Variants in PCDHGA11 observed in about 807,000 individuals in gnomAD.
The protein encoded by PCDHGA11 is protocadherin gamma subfamily A, 11.
A neutral mutation model predicts 60.4 loss-of-function variants in PCDHGA11; 39 were observed. That is an observed-to-expected ratio of 0.65 (90% CI 0.50 to 0.84). PCDHGA11 has a LOEUF of 0.84. Ranked by LOEUF, PCDHGA11 falls within the 40% of genes least tolerant of loss-of-function variation. The probability of loss-of-function intolerance (pLI) is 0.00; values close to 1 mark genes in which losing one functional copy is unlikely to be tolerated. For missense variants in PCDHGA11, 1,165 were observed against 1,197.7 expected, an observed-to-expected ratio of 0.97 and a Z score of 0.40; for synonymous variants, 533 against 510.3, an observed-to-expected ratio of 1.04 and a Z score of -0.60.
chr5:141,497,614 A>G (rs1377740795), intron 2 of PCDHGA11, among the ~76,000 whole-genome samples: 1 of 146,530 alleles, frequency 6.8e-6, no homozygotes, highest in Admixed American at 7.0e-5. Context: ...ATCTTGGCTC[A>G]CTGCAACCTC....
chr5:141,445,034 A>T (rs963629240), intron 1 of PCDHGA11, among the ~76,000 whole-genome samples: 4 of 152,156 alleles, frequency 2.6e-5, no homozygotes, highest in Admixed American at 2.0e-4. Context: ...GCTATGTTGT[A>T]TAGTTTTCAG....
Position 141,421,515 on chromosome 5 carries a change from CTG to C in PCDHGA11, c.291_292del (p.Cys97Ter). ...TAGRIDREEL[C>X]ETVSSCFLNM... is the part of the protein sequence containing the mutation. Reference sequence around the variant, plus strand: ...CAGGCAGGATAGACCGGGAGGAGCTCTGTGAGACGGTGTCCTCCTGTTTTTTA... The same window carrying C: ...CAGGCAGGATAGACCGGGAGGAGCTCTGAGACGGTGTCCTCCTGTTTTTTA... On this transcript the variant is annotated frameshift_variant, in exon 1 of 4. Coordinates refer to ENST00000398587, the MANE Select transcript of PCDHGA11 (RefSeq NM_018914.3). LOFTEE classifies it high-confidence loss of function. The C allele has an allele frequency of 6.2e-7, 1 of 1,614,080 alleles. No individual in the cohort carries two copies. The highest frequency in any genetic ancestry group is 8.5e-7 in the Non-Finnish European group (1 of 1,179,910).
intron 1 of PCDHGA11, among the ~76,000 whole-genome samples, chr5:141,462,068 C>T (rs1006462521): frequency 6.6e-6 from 1 of 152,196 alleles, no homozygotes; most frequent in African/African-American, 2.4e-5. Context: ...GGTGATCTGC[C>T]CGCCTTGGCC....
In PCDHGA11 at chr5:141,489,335, G is replaced by A. The variant is rs138015049; in HGVS notation, c.2434-5472G>A. The A allele has an allele frequency of 8.2e-5, 132 of 1,607,244 alleles. No individual in the cohort carries two copies. The African/African-American group carries it at 1.5e-3, about 18-fold the overall frequency. On this transcript the variant is annotated intron_variant, in intron 1 of 3. Transcript: ENST00000398587. This position sits in a 1 kb window ranked among gnomAD's most constrained non-coding sequence, Gnocchi z 4.5. ...TGGGGCTGGGTGTCTGGGCAGCTTC[G>A]TTACTCAGTGGTGGAGGAGTCTGAG...
chr5:141,485,714 G>A lies in PCDHGA11; in HGVS notation c.2434-9093G>A. 6.2e-7 allele frequency: 1 copy of A among 1,614,182 alleles called. No individual in the cohort carries two copies. The highest frequency in any genetic ancestry group is 8.5e-7 in the Non-Finnish European group (1 of 1,180,042). On this transcript the variant is annotated intron_variant, in intron 1 of 3. Transcript: ENST00000398587. This position sits in a 1 kb window ranked among gnomAD's most constrained non-coding sequence, Gnocchi z 5.7. ...GAGCTCCAATGAACACTTTGCACTG[G>A]ATGTGAAGAAGCGCAGCGACGGCAG...
At chr5:141,463,034 G>A (rs2099051345) in intron 1 of PCDHGA11, among the ~76,000 whole-genome samples, 2 of 152,112 alleles carry the variant, frequency 1.3e-5, no homozygotes, top group African/African-American at 4.8e-5. Flanking sequence ...ATTAATCTGA[G>A]TGTTCAGCAG....
intron 1 of PCDHGA11, among the ~76,000 whole-genome samples, chr5:141,426,098 A>T (rs144349682): frequency 6.6e-6 from 1 of 152,356 alleles, no homozygotes; most frequent in Non-Finnish European, 1.5e-5. Flanking sequence ...TATTCTGTTC[A>T]GTCACAGAAG....
chr5:141,471,044 CT>C (rs1432278092), intron 1 of PCDHGA11, among the ~76,000 whole-genome samples: 3 of 136,442 alleles, frequency 2.2e-5, no homozygotes. Flanking sequence ...AGCCCAAGCC[CT>C]CTTTTTTTTT....
rs562479827 is a variant in PCDHGA11, at chr5:141,430,802, C to A, written c.2433+7142C>A. The A allele has an allele frequency of 1.2e-5, 18 of 1,524,776 alleles. No homozygotes were observed. The East Asian group carries it at 3.9e-4, about 33-fold the overall frequency. The allele number at this position is 1,524,776 out of a possible 1,614,324, so 94.5% of individuals were successfully genotyped here. On this transcript the variant is annotated intron_variant, in intron 1 of 3. Coordinates refer to ENST00000398587, the MANE Select transcript of PCDHGA11 (RefSeq NM_018914.3). ...GCACCGGGACTACAAAGGGCTTGTC[C>A]TGCTGGGAATCCTCCTGGGGACTCT... is the stretch of plus-strand genomic sequence containing the variant.
Position 141,487,660 on chromosome 5 carries a change from T to C in PCDHGA11, c.2434-7147T>C. Reference sequence around the variant, plus strand: ...AACAAATGCTTGAGGGTTATTCTGATCCAGGCATATGGCTAGGCCATGTCC... The same window carrying C: ...AACAAATGCTTGAGGGTTATTCTGACCCAGGCATATGGCTAGGCCATGTCC... On this transcript the variant is annotated intron_variant, in intron 1 of 3. Coordinates refer to ENST00000398587, the MANE Select transcript of PCDHGA11 (RefSeq NM_018914.3). The surrounding 1 kb of genome is among the most constrained non-coding windows in gnomAD (Gnocchi z 5.0). The C allele has an allele frequency of 6.2e-7, 1 of 1,613,442 alleles. No homozygotes were observed. The highest frequency in any genetic ancestry group is 8.5e-7 in the Non-Finnish European group (1 of 1,179,710).
rs138463062 is a variant in PCDHGA11 at position 141,485,217 on chromosome 5, C to G, written c.2434-9590C>G. 6.8e-6 allele frequency: 11 copies of G among 1,613,996 alleles called. No individual in the cohort carries two copies. Among genetic ancestry groups the G allele is most frequent in the Non-Finnish European group, 9.3e-6 (11 of 1,179,978 alleles). ...AGCTGGACAGAAATCTGGCGGTGGGCTACCCTTTTGTTCCTCTTTTACCAC... is the reference window on the plus strand; with the variant it reads ...AGCTGGACAGAAATCTGGCGGTGGGGTACCCTTTTGTTCCTCTTTTACCAC... On this transcript the variant is annotated intron_variant, in intron 1 of 3. Coordinates refer to ENST00000398587, the MANE Select transcript of PCDHGA11 (RefSeq NM_018914.3). This position sits in a 1 kb window ranked among gnomAD's most constrained non-coding sequence, Gnocchi z 5.7.
intron 2 of PCDHGA11, among the ~76,000 whole-genome samples, chr5:141,499,670 C>T (rs1477227784): frequency 6.6e-6 from 1 of 151,412 alleles, no homozygotes; most frequent in African/African-American, 2.4e-5. Flanking sequence ...TCTTGGTCTC[C>T]ACCATCTTTA....
At chr5:141,433,040 A>G in intron 1 of PCDHGA11, 1 of 1,614,086 alleles carries the variant, frequency 6.2e-7, no homozygotes, top group Non-Finnish European at 8.5e-7. Flanking sequence ...TTCCCTCACC[A>G]CGGACTCGCG....
At chr5:141,438,633 TATAC>T (rs1373299550) in intron 1 of PCDHGA11, among the ~76,000 whole-genome samples, 3,683 of 33,472 alleles carry the variant, frequency 0.11, 56 homozygotes, top group Non-Finnish European at 0.14. Flanking sequence ...TATATATATA[TATAC>T]ACACACACAC....
intron 1 of PCDHGA11, 175 bp downstream of exon 1, chr5:141,423,835 C>T (rs1371309974): frequency 1.2e-5 from 15 of 1,278,290 alleles, no homozygotes; most frequent in African/African-American, 9.4e-5. Flanking sequence ...CATGAGATTA[C>T]GATAATCTTT....
chr5:141,456,321 G>A (rs2098849819), intron 1 of PCDHGA11, among the ~76,000 whole-genome samples: 1 of 152,154 alleles, frequency 6.6e-6, no homozygotes, highest in African/African-American at 2.4e-5. Context: ...GGCTCCTCCT[G>A]GGGTTGATCT....
intron 2 of PCDHGA11, among the ~76,000 whole-genome samples, chr5:141,503,388 A>C (rs1456500896): frequency 6.6e-6 from 1 of 152,004 alleles, no homozygotes; most frequent in East Asian, 1.9e-4. Flanking sequence ...TGAGGTCAGG[A>C]GTTCGAAACC....
intron 3 of PCDHGA11, among the ~76,000 whole-genome samples, chr5:141,508,439 T>C (rs1037512760): frequency 1.3e-5 from 2 of 152,188 alleles, no homozygotes; most frequent in African/African-American, 4.8e-5. Flanking sequence ...ACACAGTTCC[T>C]TAGTGGCAGA....
intron 1 of PCDHGA11, chr5:141,471,300 C>T (rs2099254628): frequency 6.6e-6 from 1 of 152,190 alleles, no homozygotes; most frequent in African/African-American, 2.4e-5. Context: ...ATCCACCCAA[C>T]TCGGCCTCCC....
Sources: gnomAD v4.1 joint callset for allele counts (sites outside exome capture counted in the v4.1 genomes callset) on GRCh38, gnomAD v4.1.1 for gene constraint, Gnocchi (gnomAD v3.1) non-coding constraint, MANE v1.5 for transcripts, NCBI Gene and HGNC (gene_info 2026-07-23, HGNC 2026-07-21) for gene names.